LRRIQ1: variants seen among roughly 807,000 people sequenced by gnomAD.
The protein encoded by LRRIQ1 is leucine rich repeats and IQ motif containing 1, also known as leucine-rich repeat- and IQ domain-containing protein 1.
Under a neutral mutation model 211.9 loss-of-function variants are expected in LRRIQ1, and 210 were observed. The ratio of observed to expected loss-of-function variants is 0.99; its 90% CI spans 0.89 to 1.11. The LOEUF (loss-of-function observed/expected upper bound fraction) is 1.11. Ranked by LOEUF, LRRIQ1 falls within the 50% of genes most tolerant of loss-of-function variation. LRRIQ1 has a pLI of 0.00. For synonymous variants in LRRIQ1, 699 were observed against 650.1 expected, an observed-to-expected ratio of 1.08 and a Z score of -1.14; for missense variants, 2,136 against 1,939.5, an observed-to-expected ratio of 1.10 and a Z score of -1.90.
At chr12:85,186,392 T>C (rs1265030283) in intron 24 of LRRIQ1, among the ~76,000 whole-genome samples, 1 of 152,106 alleles carries the variant, frequency 6.6e-6, no homozygotes. Context: ...AAGTCTGAAT[T>C]GGCCCATTCT....
chr12:85,226,183 T>C (rs1302945263), intron 24 of LRRIQ1, among the ~76,000 whole-genome samples: 3 of 152,216 alleles, frequency 2.0e-5, no homozygotes, highest in Non-Finnish European at 4.4e-5. Context: ...CTTTCCAAAA[T>C]GAGTACTTTA....
At chr12:85,081,799 T>C (rs1482729661) in intron 11 of LRRIQ1, among the ~76,000 whole-genome samples, 2 of 148,832 alleles carry the variant, frequency 1.3e-5, no homozygotes, top group East Asian at 4.0e-4. Flanking sequence ...TCTCAGCTCA[T>C]TGCAACCTGT....
chr12:85,258,675 G>A (rs752226914), intron 1 of LRRIQ1, among the ~76,000 whole-genome samples: 9 of 151,836 alleles, frequency 5.9e-5, no homozygotes, highest in African/African-American at 1.9e-4. Context: ...TGATGTAAAC[G>A]CTTTGCTGCT....
intron 24 of LRRIQ1, among the ~76,000 whole-genome samples, chr12:85,195,338 T>C (rs1892840713): frequency 1.3e-5 from 2 of 151,688 alleles, no homozygotes; most frequent in Non-Finnish European, 2.9e-5. Context: ...CCAGCATCAT[T>C]CTGATACCAA....
chr12:85,226,262 A>C (rs1246923798), intron 24 of LRRIQ1, among the ~76,000 whole-genome samples: 7 of 152,162 alleles, frequency 4.6e-5, no homozygotes, highest in Non-Finnish European at 7.3e-5. Context: ...TTCTGTTTTA[A>C]CTAAAAGTTT....
intron 26 of LRRIQ1, among the ~76,000 whole-genome samples, chr12:85,236,310 G>A (rs937141292): frequency 1.3e-5 from 2 of 152,116 alleles, no homozygotes; most frequent in African/African-American, 4.8e-5. Flanking sequence ...TTATAGAAAA[G>A]GTTAACAGGT....
intron 21 of LRRIQ1, 38 bp from the exon 22 acceptor site, chr12:85,153,625 T>A: frequency 7.7e-7 from 1 of 1,291,952 alleles, no homozygotes. Context: ...GATATACTTG[T>A]GTTGATTCAG....
chr12:85,262,937 A>G (rs1049743788), exon 2 of LRRIQ1: 19 of 986,018 alleles, frequency 1.9e-5, no homozygotes, highest in Non-Finnish European at 2.2e-5. Flanking sequence ...AGGGAATACC[A>G]ATATCGCCAA....
At chr12:85,154,495 A>G (rs949779921) in intron 23 of LRRIQ1, among the ~76,000 whole-genome samples, 3 of 151,328 alleles carry the variant, frequency 2.0e-5, no homozygotes, top group African/African-American at 7.3e-5. Flanking sequence ...AGTTCAGTGG[A>G]TTTTAGCTAT....
At chr12:85,169,538 T>C (rs886470962) in intron 24 of LRRIQ1, among the ~76,000 whole-genome samples, 1 of 152,180 alleles carries the variant, frequency 6.6e-6, no homozygotes, top group South Asian at 2.1e-4. Flanking sequence ...TCCTCAAGTA[T>C]GATAAGTACT....
chr12:85,229,591 C>T lies in LRRIQ1; in HGVS notation c.4897C>T (p.Gln1633Ter). 6.2e-7 allele frequency: 1 copy of T among 1,612,740 alleles called. No individual in the cohort carries two copies. Among genetic ancestry groups the T allele is most frequent in the Non-Finnish European group, 8.5e-7 (1 of 1,179,254 alleles). The change falls in exon 25 of 27, where the codon CAA becomes TAA. Residue 1633 changes from glutamine to a stop codon, truncating the protein, a stop_gained. Coordinates refer to ENST00000393217, the MANE Select transcript of LRRIQ1 (RefSeq NM_001079910.2). LOFTEE classifies it high-confidence loss of function. ...AGAACGGAATAGAGAATATACATAC[C>T]AATGGCTTCACACACAGGTTGGGGT... ...KLERNREYTY[Q>*]WLHTQVGVHE...
intron 24 of LRRIQ1, among the ~76,000 whole-genome samples, chr12:85,178,057 C>G (rs1051491377): frequency 1.3e-5 from 2 of 151,974 alleles, no homozygotes; most frequent in African/African-American, 4.8e-5. Context: ...CAGTATATGA[C>G]AGCAATTATT....
intron 24 of LRRIQ1, among the ~76,000 whole-genome samples, chr12:85,191,545 A>T (rs1196974384): frequency 1.3e-5 from 2 of 152,040 alleles, no homozygotes; most frequent in African/African-American, 4.8e-5. Flanking sequence ...TGGAAGTACC[A>T]CAGTTTATGT....
At position 85,198,236 on chromosome 12, in the gene LRRIQ1, T is replaced by G. The variant is rs902116494; in HGVS notation, c.4823-31281T>G. On this transcript the variant is annotated intron_variant, in intron 24 of 26. Coordinates refer to ENST00000393217, the MANE Select transcript of LRRIQ1 (RefSeq NM_001079910.2). ...TTGATGGGCATTTAGGTTGGTTCCA[T>G]GTCTTTGTTATTGTGAATAGTGCTG... Among the ~76,000 whole-genome samples the G allele has an allele frequency of 1.5e-4, 21 of 144,630 alleles. No individual in the cohort carries two copies. The South Asian group carries it at 4.4e-3, about 31-fold the overall frequency. The allele number at this position is 144,630 out of a possible 152,430, so 94.9% of individuals were successfully genotyped here.
At chr12:85,221,725 G>A (rs937782157) in intron 24 of LRRIQ1, among the ~76,000 whole-genome samples, 2 of 152,124 alleles carry the variant, frequency 1.3e-5, no homozygotes, top group Non-Finnish European at 2.9e-5. Flanking sequence ...ACTATGTCTG[G>A]GGGATTGAGA....
chr12:85,102,967 T>C (rs866619706), intron 13 of LRRIQ1, among the ~76,000 whole-genome samples: 1 of 136,008 alleles, frequency 7.4e-6, no homozygotes, highest in African/African-American at 2.7e-5. Context: ...AAAATATATA[T>C]ATATATATAT....
intron 11 of LRRIQ1, among the ~76,000 whole-genome samples, chr12:85,086,017 G>A (rs1884779959): frequency 6.6e-6 from 1 of 152,108 alleles, no homozygotes; most frequent in African/African-American, 2.4e-5. Flanking sequence ...TAAACTGTTT[G>A]AACAGTCACT....
chr12:85,056,828 G>A lies in LRRIQ1; in HGVS notation c.2035G>A (p.Gly679Ser), dbSNP rs1477279268. 6.2e-7 allele frequency: 1 copy of A among 1,612,834 alleles called. No homozygotes were observed. The highest frequency in any genetic ancestry group is 2.2e-5 in the East Asian group (1 of 44,848). ...GKRNDQDYVLGRHAPCEGLSN... is the reference protein window; with the variant it reads ...GKRNDQDYVLSRHAPCEGLSN... ...AAGAAATGACCAAGATTATGTGTTA[G>A]GTAGACATGCTCCTTGTGAGGGCTT... Residue 679 changes from glycine (G) to serine (S), a missense_variant, in exon 8 of 27, where the codon GGT (glycine) becomes AGT (serine). Transcript: ENST00000393217.
intron 8 of LRRIQ1, among the ~76,000 whole-genome samples, 160 bp downstream of exon 8, chr12:85,057,344 T>C (rs929477429): frequency 6.6e-6 from 1 of 152,042 alleles, no homozygotes; most frequent in Non-Finnish European, 1.5e-5. Context: ...AGGGGATATA[T>C]CTCAACAAAT....
Sources: allele counts gnomAD v4.1 joint callset (sites outside exome capture counted in the v4.1 genomes callset), GRCh38; gene constraint gnomAD v4.1.1; transcripts MANE v1.5; gene names NCBI Gene and HGNC (gene_info 2026-07-23, HGNC 2026-07-21).